MICAL2: variants seen among roughly 807,000 people sequenced by gnomAD.
MICAL2 encodes [F-actin]-monooxygenase MICAL2.
In MICAL2, 77 loss-of-function variants were observed where a neutral mutation model predicts 127.3. The ratio of observed to expected loss-of-function variants is 0.60; its 90% CI spans 0.50 to 0.73. The LOEUF (loss-of-function observed/expected upper bound fraction) is 0.73, where lower values mean the gene tolerates loss of function less well. Ranked by LOEUF, MICAL2 falls within the 30% of genes least tolerant of loss-of-function variation. The pLI, the probability that MICAL2 is intolerant of heterozygous loss-of-function variation, is 0.00. For synonymous variants in MICAL2, 570 were observed against 551.1 expected (o/e 1.03, Z -0.48); for missense variants, 1,351 against 1,434.4 (o/e 0.94, Z 0.94).
downstream of MICAL2, among the ~76,000 whole-genome samples, chr11:12,266,842 A>T (rs762322057): frequency 3.3e-5 from 5 of 152,194 alleles, no homozygotes; most frequent in Non-Finnish European, 7.3e-5. Flanking sequence ...GGGGCTAAGG[A>T]TGCCTCTAGT....
At chr11:12,242,851 T>C (rs895974058) in intron 20 of MICAL2, 79 bp downstream of exon 20, 3 of 1,010,728 alleles carry the variant, frequency 3.0e-6, no homozygotes, top group African/African-American at 1.7e-5. Context: ...GGCTCTGAGC[T>C]CAATTTTCTC....
chr11:12,148,814 G>A (rs1380713384), intron 2 of MICAL2, among the ~76,000 whole-genome samples: 2 of 118,794 alleles, frequency 1.7e-5, no homozygotes, highest in Non-Finnish European at 3.2e-5. Context: ...TGTAGAAAAG[G>A]GGGCCCAGGG....
chr11:12,298,082 C>T (rs142682498), intron 29 of MICAL2, among the ~76,000 whole-genome samples: 4 of 151,786 alleles, frequency 2.6e-5, no homozygotes, highest in South Asian at 2.1e-4. Flanking sequence ...TGAATACTCT[C>T]GTGGGATTGA....
chr11:12,266,894 C>T (rs1237988932), downstream of MICAL2, among the ~76,000 whole-genome samples: 1 of 152,234 alleles, frequency 6.6e-6, no homozygotes, highest in Non-Finnish European at 1.5e-5. Flanking sequence ...ACAGCAAGAT[C>T]TCTTTGCCAT....
chr11:12,212,276 C>T (rs1411070767), intron 6 of MICAL2, among the ~76,000 whole-genome samples: 1 of 152,116 alleles, frequency 6.6e-6, no homozygotes, highest in Non-Finnish European at 1.5e-5. Context: ...GAGCACTAAG[C>T]CTGGGCAACA....
At chr11:12,334,052 T>A (rs927028547) in intron 32 of MICAL2, among the ~76,000 whole-genome samples, 1 of 152,150 alleles carries the variant, frequency 6.6e-6, no homozygotes, top group African/African-American at 2.4e-5. Context: ...AATGTGAAAA[T>A]TGAAACTTGA....
At chr11:12,185,602 A>G (rs11022235) in intron 3 of MICAL2, among the ~76,000 whole-genome samples, 43,501 of 152,014 alleles carry the variant, frequency 0.29, 6,447 homozygotes, top group Admixed American at 0.36. Flanking sequence ...ATGGATGAGC[A>G]GACTGTGGCT....
At chr11:12,293,758 G>C (rs769403479), downstream of MICAL2, 1 of 1,613,846 alleles carries the variant, frequency 6.2e-7, no homozygotes. Context: ...CTGCAGAGAT[G>C]ACTTCTGATG....
chr11:12,212,328 T>A (rs972800008), intron 6 of MICAL2, among the ~76,000 whole-genome samples: 43 of 151,682 alleles, frequency 2.8e-4, no homozygotes, highest in Non-Finnish European at 6.0e-4. Flanking sequence ...AAAAAATAAA[T>A]AAGGCAGTCA....
At chr11:12,257,078 A>C in intron 24 of MICAL2, 107 bp downstream of exon 24, 1 of 1,194,436 alleles carries the variant, frequency 8.4e-7, no homozygotes, top group East Asian at 2.5e-5. Context: ...AAACATACCC[A>C]AAAGGAAGTA....
At chr11:12,160,934 C>T (rs1659185986) in intron 2 of MICAL2, among the ~76,000 whole-genome samples, 1 of 152,240 alleles carries the variant, frequency 6.6e-6, no homozygotes, top group African/African-American at 2.4e-5. Flanking sequence ...AACCGTCCCA[C>T]AATTCCAACT....
chr11:12,293,709 A>C (rs12574273), downstream of MICAL2: 48,339 of 1,613,932 alleles, frequency 0.03, 1,371 homozygotes, highest in Admixed American at 0.12. Flanking sequence ...TGGGCAGAGT[A>C]CTGCCTGGTG....
At chr11:12,171,628 G>A (rs970117648) in intron 3 of MICAL2, among the ~76,000 whole-genome samples, 2 of 152,166 alleles carry the variant, frequency 1.3e-5, no homozygotes, top group African/African-American at 2.4e-5. Flanking sequence ...GTTCTCCTGC[G>A]CTGAATTTGT....
intron 22 of MICAL2, among the ~76,000 whole-genome samples, chr11:12,251,025 C>T (rs557632800): frequency 1.3e-5 from 2 of 152,270 alleles, no homozygotes; most frequent in South Asian, 2.1e-4. Flanking sequence ...GTGTGGGCCA[C>T]AGGCAGGGAC....
chr11:12,349,990 G>T (rs908579146), intron 33 of MICAL2: 10 of 1,497,390 alleles, frequency 6.7e-6, no homozygotes, highest in Non-Finnish European at 9.3e-6. Context: ...GGGGCAAAGG[G>T]GGGTGGCTTA....
chr11:12,180,783 C>A (rs929221030), intron 3 of MICAL2, among the ~76,000 whole-genome samples: 3 of 131,848 alleles, frequency 2.3e-5, no homozygotes, highest in Non-Finnish European at 5.0e-5. Context: ...GTTGCTCAAC[C>A]TTTGAGGACT....
downstream of MICAL2, among the ~76,000 whole-genome samples, chr11:12,290,543 G>C: frequency 6.6e-6 from 1 of 152,172 alleles, no homozygotes; most frequent in East Asian, 1.9e-4. Flanking sequence ...GACAAGAACG[G>C]GAAGCAAGGC....
chr11:12,228,120 G>A (rs1394681212), intron 15 of MICAL2, among the ~76,000 whole-genome samples: 1 of 152,236 alleles, frequency 6.6e-6, no homozygotes, highest in Non-Finnish European at 1.5e-5. Flanking sequence ...CCTGAGGTCA[G>A]GAGTTTGAGA....
Position 12,146,258 on chromosome 11 carries a change from T to C in MICAL2, c.-78+7798T>C, listed in dbSNP as rs534358147. 3.3e-5 allele frequency among the ~76,000 whole-genome samples: 5 copies of C among 152,286 alleles called. No individual in the cohort carries two copies. The East Asian group carries it at 9.6e-4, about 29-fold the overall frequency. On this transcript the variant is annotated intron_variant, in intron 2 of 27. Coordinates refer to ENST00000683283, the MANE Select transcript of MICAL2 (RefSeq NM_001282663.2). ...AGAGCTTCTGCACAGCAAAAGAAAC[T>C]ACCATCAGCGTGAATAGGCAACCTA... is the stretch of plus-strand genomic sequence containing the variant.
Sources: gnomAD v4.1 joint callset for allele counts (sites outside exome capture counted in the v4.1 genomes callset) on GRCh38, gnomAD v4.1.1 for gene constraint, MANE v1.5 for transcripts, NCBI Gene and HGNC (gene_info 2026-07-23, HGNC 2026-07-21) for gene names.